CNTN5: variants seen among roughly 807,000 people sequenced by gnomAD.
CNTN5 encodes contactin 5, also known as contactin-5.
A neutral mutation model predicts 129.1 loss-of-function variants in CNTN5; 77 were observed. That is an observed-to-expected ratio of 0.60 (90% confidence interval 0.50 to 0.72). The LOEUF (loss-of-function observed/expected upper bound fraction) is 0.72. CNTN5 is among the 30% of genes least tolerant of loss of function. The pLI is 0.00. For missense variants in CNTN5, 1,478 were observed against 1,328.8 expected, an observed-to-expected ratio of 1.11 and a Z score of -1.75; for synonymous variants, 509 against 465.6, an observed-to-expected ratio of 1.09 and a Z score of -1.20.
At chr11:99,732,513 C>T (rs1484175170) in intron 3 of CNTN5, among the ~76,000 whole-genome samples, 4 of 152,078 alleles carry the variant, frequency 2.6e-5, no homozygotes, top group Non-Finnish European at 4.4e-5. Context: ...CAGTGATCAT[C>T]GTAAGCTGAA....
intron 3 of CNTN5, among the ~76,000 whole-genome samples, chr11:99,790,818 C>G (rs1253778633): frequency 6.6e-6 from 1 of 152,080 alleles, no homozygotes; most frequent in South Asian, 2.1e-4. Context: ...TTTTCTGCAA[C>G]CTCGCCAGCA....
chr11:99,580,823 T>G (rs10893534), intron 3 of CNTN5, among the ~76,000 whole-genome samples: 2 of 107,664 alleles, frequency 1.9e-5, no homozygotes, highest in African/African-American at 7.1e-5. Flanking sequence ...TTTTGTGTCT[T>G]TATTTCCTTC....
chr11:99,533,543 C>A (rs1309519563), intron 2 of CNTN5, among the ~76,000 whole-genome samples: 1 of 152,226 alleles, frequency 6.6e-6, no homozygotes, highest in Non-Finnish European at 1.5e-5. Context: ...TCCTGCCTTG[C>A]CCAGGCAATG....
intron 3 of CNTN5, among the ~76,000 whole-genome samples, chr11:99,801,576 A>T (rs977263321): frequency 1.3e-5 from 2 of 152,208 alleles, no homozygotes; most frequent in African/African-American, 4.8e-5. Context: ...CAAATAATTC[A>T]TAAGTTTGGT....
intron 1 of CNTN5, among the ~76,000 whole-genome samples, chr11:99,319,782 C>T (rs1332482146): frequency 6.6e-6 from 1 of 152,040 alleles, no homozygotes; most frequent in Non-Finnish European, 1.5e-5. Context: ...ATGAAGAAAA[C>T]TTTGAAGTAG....
chr11:99,502,216 C>T (rs1946450133), intron 2 of CNTN5, among the ~76,000 whole-genome samples: 1 of 152,180 alleles, frequency 6.6e-6, no homozygotes, highest in Non-Finnish European at 1.5e-5. Flanking sequence ...AAAAACAGTA[C>T]AGGTAGCAGG....
At chr11:99,763,446 G>T (rs1422024540) in intron 3 of CNTN5, among the ~76,000 whole-genome samples, 8 of 152,098 alleles carry the variant, frequency 5.3e-5, no homozygotes, top group African/African-American at 1.7e-4. Flanking sequence ...TATTAAAAGA[G>T]AATCTTTTTT....
intron 8 of CNTN5, 129 bp from the exon 9 acceptor site, chr11:100,001,905 G>A (rs997700712): frequency 2.6e-5 from 17 of 660,048 alleles, no homozygotes; most frequent in Admixed American, 7.0e-5. Context: ...TCAATACATC[G>A]AAAAATTTAA....
intron 18 of CNTN5, among the ~76,000 whole-genome samples, chr11:100,285,339 C>T (rs1328991425): frequency 1.3e-5 from 2 of 152,264 alleles, no homozygotes. Flanking sequence ...GAGAAGTCTC[C>T]ACTGCAGACA....
At chr11:100,341,235 T>C (rs773884870) in intron 23 of CNTN5, 30 bp downstream of exon 23, 2 of 1,452,634 alleles carry the variant, frequency 1.4e-6, no homozygotes, top group Non-Finnish European at 1.9e-6. Flanking sequence ...TTTGCATAGA[T>C]ACTCATCTCC....
At chr11:99,493,452 T>C (rs1946111297) in intron 2 of CNTN5, among the ~76,000 whole-genome samples, 1 of 152,258 alleles carries the variant, frequency 6.6e-6, no homozygotes, top group Non-Finnish European at 1.5e-5. Flanking sequence ...TCGATAATTC[T>C]ATACCTTTTG....
At chr11:99,355,821 G>T (rs5002102) in intron 2 of CNTN5, among the ~76,000 whole-genome samples, 13,910 of 130,584 alleles carry the variant, frequency 0.11, 516 homozygotes, top group African/African-American at 0.17. Flanking sequence ...GTTTTTTTTT[G>T]TTTTTTTTTT....
At chr11:100,291,377 G>A (rs1448542871) in intron 18 of CNTN5, among the ~76,000 whole-genome samples, 2 of 150,592 alleles carry the variant, frequency 1.3e-5, no homozygotes, top group Non-Finnish European at 3.0e-5. Flanking sequence ...AACAATGATA[G>A]ACTGGATTAA....
At chr11:99,597,869 A>C (rs2135690286) in intron 3 of CNTN5, among the ~76,000 whole-genome samples, 1 of 152,110 alleles carries the variant, frequency 6.6e-6, no homozygotes, top group Non-Finnish European at 1.5e-5. Context: ...GGGCCATGGA[A>C]GTGGCAAGCT....
chr11:99,610,548 A>T (rs903118395), intron 3 of CNTN5, among the ~76,000 whole-genome samples: 1 of 152,222 alleles, frequency 6.6e-6, no homozygotes, highest in Non-Finnish European at 1.5e-5. Context: ...CTATTACTTC[A>T]TGACATGGGT....
At chr11:99,558,195 T>C (rs1000186903) in intron 3 of CNTN5, 22 of 166,488 alleles carry the variant, frequency 1.3e-4, no homozygotes, top group Non-Finnish European at 2.1e-4. Flanking sequence ...CAGTGTTGGG[T>C]TTCTTTTTTT....
At chr11:99,322,038 A>C (rs1181181124) in intron 1 of CNTN5, among the ~76,000 whole-genome samples, 1 of 152,122 alleles carries the variant, frequency 6.6e-6, no homozygotes, top group Non-Finnish European at 1.5e-5. Flanking sequence ...ATAAACTTGT[A>C]TGTCTATTCC....
intron 2 of CNTN5, among the ~76,000 whole-genome samples, chr11:99,457,061 T>G (rs913996067): frequency 3.9e-5 from 6 of 151,988 alleles, no homozygotes; most frequent in African/African-American, 1.4e-4. Context: ...TAAGAAATTT[T>G]CTGCAGGTTT....
chr11:99,225,190 G>A (rs984992064), intron 1 of CNTN5, among the ~76,000 whole-genome samples: 1 of 152,066 alleles, frequency 6.6e-6, no homozygotes. Flanking sequence ...AAGAGTAATC[G>A]GCAGAAGAAC....
Sources: allele counts gnomAD v4.1 joint callset (sites outside exome capture counted in the v4.1 genomes callset), GRCh38; gene constraint gnomAD v4.1.1; transcripts MANE v1.5; gene names NCBI Gene and HGNC (gene_info 2026-07-23, HGNC 2026-07-21).